The following UGT8 variants were observed in gnomAD, a reference collection of about 807,000 sequenced individuals.
UGT8 encodes the protein UDP glycosyltransferase 8.
Under a neutral mutation model 40.5 loss-of-function variants are expected in UGT8, and 12 were observed. The observed-to-expected ratio is 0.30, with a 90% CI of 0.19 to 0.48. The LOEUF (loss-of-function observed/expected upper bound fraction) is 0.48, where lower values mean the gene tolerates loss of function less well. UGT8 is among the 20% of genes least tolerant of loss of function. The pLI, the probability that UGT8 is intolerant of heterozygous loss-of-function variation, is 0.99. For synonymous variants in UGT8, 224 were observed against 240.4 expected, an observed-to-expected ratio of 0.93 and a Z score of 0.63; for missense variants, 513 against 648.7, an observed-to-expected ratio of 0.79 and a Z score of 2.27.
At chr4:114,631,265 T>C (rs1053718310) in intron 2 of UGT8, among the ~76,000 whole-genome samples, 4 of 152,172 alleles carry the variant, frequency 2.6e-5, no homozygotes, top group African/African-American at 7.2e-5. Context: ...GTGGATCACC[T>C]GAGGTCAGGA....
intron 2 of UGT8, among the ~76,000 whole-genome samples, chr4:114,647,628 A>G (rs527610760): frequency 6.6e-6 from 1 of 152,208 alleles, no homozygotes; most frequent in Admixed American, 6.5e-5. Flanking sequence ...AGTCTCCCAA[A>G]GTGTTGGGAT....
intron 4 of UGT8, 60 bp downstream of exon 4, chr4:114,665,816 CTTTTTT>C: frequency 9.2e-7 from 1 of 1,090,124 alleles, no homozygotes. Context: ...ATAAATGTGA[CTTTTTT>C]TTTTTTTTTA....
chr4:114,650,698 A>T (rs1175858189), intron 2 of UGT8, among the ~76,000 whole-genome samples: 1 of 152,072 alleles, frequency 6.6e-6, no homozygotes, highest in African/African-American at 2.4e-5. Flanking sequence ...TGGCATATTC[A>T]GTTTGTCACA....
intron 2 of UGT8, among the ~76,000 whole-genome samples, chr4:114,629,360 C>G (rs551795137): frequency 1.2e-4 from 18 of 152,092 alleles, no homozygotes; most frequent in African/African-American, 4.3e-4. Context: ...TTGGATGGCT[C>G]TCTTAACTAG....
chr4:114,664,205 C>A, intron 3 of UGT8, 68 bp downstream of exon 3: 1 of 1,531,926 alleles, frequency 6.5e-7, no homozygotes. Context: ...GTGCACAGGT[C>A]CCAGTAAAGC....
chr4:114,602,503 T>C (rs1380188741), intron 1 of UGT8, among the ~76,000 whole-genome samples: 2 of 152,230 alleles, frequency 1.3e-5, no homozygotes, highest in African/African-American at 4.8e-5. Context: ...CATATCTCCT[T>C]AATCTGAAGC....
At chr4:114,621,211 T>C (rs1731768334) in intron 1 of UGT8, among the ~76,000 whole-genome samples, 1 of 152,220 alleles carries the variant, frequency 6.6e-6, no homozygotes, top group Non-Finnish European at 1.5e-5. Context: ...ACTTGACATT[T>C]GCACCTGAGT....
chr4:114,675,243 T>TA (rs2126141751), intron 5 of UGT8, among the ~76,000 whole-genome samples: 1 of 152,280 alleles, frequency 6.6e-6, no homozygotes, highest in African/African-American at 2.4e-5. Flanking sequence ...ATCTAATAAA[T>TA]TTAGTTTCCA....
At chr4:114,666,835 CTT>C (rs1257742513) in intron 4 of UGT8, among the ~76,000 whole-genome samples, 4 of 151,974 alleles carry the variant, frequency 2.6e-5, no homozygotes, top group South Asian at 4.2e-4. Context: ...AGAACTCTGA[CTT>C]TTTCAAGATT....
At chr4:114,669,931 G>A (rs1373029899) in intron 5 of UGT8, among the ~76,000 whole-genome samples, 5 of 152,082 alleles carry the variant, frequency 3.3e-5, no homozygotes, top group Non-Finnish European at 7.4e-5. Flanking sequence ...ACTTATCTTT[G>A]TTTCCAATGT....
rs375634752 is a variant in UGT8 at position 114,675,515 on chromosome 4, C to T, written c.1263-410C>T. ...CAGCACTTTGGGAGGCCGAGGCAGG[C>T]GGATCACGAGGTCAGGAGATTGAGA... On this transcript the variant is annotated intron_variant, in intron 5 of 5. Transcript: ENST00000310836. 7.2e-3 allele frequency among the ~76,000 whole-genome samples: 1,100 copies of T among 151,742 alleles called. 15 individuals carry two copies. Among genetic ancestry groups the T allele is most frequent in the African/African-American group, 0.025 (1,018 of 41,404 alleles).
intron 1 of UGT8, chr4:114,622,660 G>A: frequency 4.3e-6 from 2 of 466,920 alleles, no homozygotes; most frequent in Admixed American, 3.9e-5. Flanking sequence ...TCTCATTGTG[G>A]TTTTGATTTG....
At chr4:114,601,906 G>A (rs1463479454) in intron 1 of UGT8, among the ~76,000 whole-genome samples, 1 of 151,330 alleles carries the variant, frequency 6.6e-6, no homozygotes, top group African/African-American at 2.4e-5. Flanking sequence ...AGTGGGCCCT[G>A]CTGCTCTATT....
chr4:114,659,258 A>T (rs1734373514), intron 2 of UGT8, among the ~76,000 whole-genome samples: 1 of 152,238 alleles, frequency 6.6e-6, no homozygotes, highest in African/African-American at 2.4e-5. Flanking sequence ...CTTCAAACAG[A>T]TGACTTAATC....
chr4:114,662,058 A>C (rs1203636312), intron 2 of UGT8, among the ~76,000 whole-genome samples: 4 of 152,364 alleles, frequency 2.6e-5, no homozygotes, highest in Non-Finnish European at 5.9e-5. Context: ...ATGTAGCAGA[A>C]TATAAAAGTT....
At chr4:114,634,602 T>C (rs1336285150) in intron 2 of UGT8, among the ~76,000 whole-genome samples, 1 of 152,252 alleles carries the variant, frequency 6.6e-6, no homozygotes, top group East Asian at 1.9e-4. Flanking sequence ...CCTGAGTCAC[T>C]GGACAATTTT....
At chr4:114,646,923 A>G (rs1248983764) in intron 2 of UGT8, among the ~76,000 whole-genome samples, 2 of 152,222 alleles carry the variant, frequency 1.3e-5, no homozygotes, top group Non-Finnish European at 2.9e-5. Flanking sequence ...AGATTGAGAC[A>G]GAGCTAAATC....
At chr4:114,667,317 T>C (rs1734950343) in intron 4 of UGT8, among the ~76,000 whole-genome samples, 1 of 152,188 alleles carries the variant, frequency 6.6e-6, no homozygotes, top group South Asian at 2.1e-4. Context: ...CTAAGTACAA[T>C]GTTTTTGTTT....
At chr4:114,673,316 A>G (rs979051224) in intron 5 of UGT8, among the ~76,000 whole-genome samples, 6 of 152,198 alleles carry the variant, frequency 3.9e-5, no homozygotes, top group Non-Finnish European at 7.3e-5. Flanking sequence ...TCAAAAATTT[A>G]TCTGTGAGTT....
Sources: allele counts gnomAD v4.1 joint callset (sites outside exome capture counted in the v4.1 genomes callset), GRCh38; gene constraint gnomAD v4.1.1; transcripts MANE v1.5; gene names NCBI Gene and HGNC (gene_info 2026-07-23, HGNC 2026-07-21).